The following RAB3IL1 variants were observed in gnomAD, a reference collection of about 807,000 sequenced individuals.
The protein encoded by RAB3IL1 is RAB3A interacting protein like 1.
RAB3IL1 carries 37 observed loss-of-function variants against 49.2 expected under a neutral mutation model. The ratio of observed to expected loss-of-function variants is 0.75; its 90% CI spans 0.58 to 0.99. The LOEUF (loss-of-function observed/expected upper bound fraction) is 0.99, where lower values mean the gene tolerates loss of function less well. RAB3IL1 is among the 50% of genes least tolerant of loss of function. The probability of loss-of-function intolerance (pLI) is 0.00; values close to 1 mark genes in which losing one functional copy is unlikely to be tolerated. For missense variants in RAB3IL1, 484 were observed against 513.0 expected, an observed-to-expected ratio of 0.94 and a Z score of 0.55; for synonymous variants, 193 against 213.9, an observed-to-expected ratio of 0.90 and a Z score of 0.85.
the RAB3IL1 span, among the ~76,000 whole-genome samples, chr11:61,932,261 A>G: frequency 1.3e-5 from 2 of 152,100 alleles, no homozygotes; most frequent in South Asian, 4.1e-4. Flanking sequence ...AAAAAAAAAA[A>G]GAAAAGAAAA....
intron 1 of RAB3IL1, among the ~76,000 whole-genome samples, chr11:61,912,797 G>T (rs1382026274): frequency 6.6e-6 from 1 of 152,050 alleles, no homozygotes; most frequent in Non-Finnish European, 1.5e-5. Context: ...AGTACTGGAG[G>T]TGCCACCCAA....
At chr11:61,899,514 T>A in intron 8 of RAB3IL1, 134 bp from the exon 9 acceptor site, 1 of 740,436 alleles carries the variant, frequency 1.4e-6, no homozygotes, top group Non-Finnish European at 2.2e-6. Flanking sequence ...CAGCTGGGAC[T>A]GGGCTTTCAA....
the RAB3IL1 span, among the ~76,000 whole-genome samples, chr11:61,940,866 G>A: frequency 1.3e-5 from 2 of 152,032 alleles, no homozygotes; most frequent in South Asian, 2.1e-4. Context: ...GTTGCAGTGA[G>A]CCGAGAATGC....
the RAB3IL1 span, among the ~76,000 whole-genome samples, chr11:61,927,978 A>G: frequency 6.6e-6 from 1 of 152,114 alleles, no homozygotes; most frequent in Non-Finnish European, 1.5e-5. Context: ...TATGCTAGGT[A>G]AGGAGTTCAA....
chr11:61,944,032 T>A, the RAB3IL1 span, among the ~76,000 whole-genome samples: 5 of 152,190 alleles, frequency 3.3e-5, no homozygotes, highest in African/African-American at 1.2e-4. Flanking sequence ...ATCTCTCTTA[T>A]AGTTGTATAA....
chr11:61,945,648 C>T, the RAB3IL1 span: 1 of 593,716 alleles, frequency 1.7e-6, no homozygotes, highest in Non-Finnish European at 2.1e-6. Context: ...GCATCCAGGC[C>T]CTGCACAGTT....
intron 2 of RAB3IL1, 45 bp downstream of exon 2, chr11:61,908,009 G>A (rs755730101): frequency 6.4e-7 from 1 of 1,565,696 alleles, no homozygotes; most frequent in Non-Finnish European, 8.7e-7. Flanking sequence ...CTCCCAACCT[G>A]ACTTCTCCCC....
At chr11:61,944,788 C>A in the RAB3IL1 span, among the ~76,000 whole-genome samples, 1 of 152,146 alleles carries the variant, frequency 6.6e-6, no homozygotes, top group African/African-American at 2.4e-5. Flanking sequence ...CCTCTGTCTC[C>A]CGGGTTCAAG....
At chr11:61,933,171 C>G in the RAB3IL1 span, among the ~76,000 whole-genome samples, 1 of 152,134 alleles carries the variant, frequency 6.6e-6, no homozygotes, top group African/African-American at 2.4e-5. Context: ...TCTTTGAAAA[C>G]TGTAAATGTT....
At chr11:61,904,111 C>G (rs1269965049) in intron 7 of RAB3IL1, among the ~76,000 whole-genome samples, 1 of 151,930 alleles carries the variant, frequency 6.6e-6, no homozygotes, top group Non-Finnish European at 1.5e-5. Flanking sequence ...ACCAGGGCAC[C>G]AGCCATCCCC....
intron 8 of RAB3IL1, among the ~76,000 whole-genome samples, chr11:61,901,214 C>T (rs1174947511): frequency 6.6e-6 from 1 of 152,200 alleles, no homozygotes; most frequent in Non-Finnish European, 1.5e-5. Context: ...CAAGCTGTGT[C>T]ACTGGAAACG....
chr11:61,946,023 G>C, the RAB3IL1 span, among the ~76,000 whole-genome samples: 7,020 of 152,260 alleles, frequency 0.046, 500 homozygotes, highest in South Asian at 0.36. Flanking sequence ...TCAGGGATCA[G>C]GGCTGCCTGA....
chr11:61,945,526 CA>C, the RAB3IL1 span, among the ~76,000 whole-genome samples: 1 of 152,174 alleles, frequency 6.6e-6, no homozygotes, highest in East Asian at 1.9e-4. Context: ...TCTTTGTCTG[CA>C]AAATGAGCAG....
chr11:61,929,018 A>G, the RAB3IL1 span, among the ~76,000 whole-genome samples: 9 of 152,322 alleles, frequency 5.9e-5, no homozygotes, highest in Admixed American at 1.3e-4. Flanking sequence ...AAAACAAAAA[A>G]AAATTATTTT....
the RAB3IL1 span, among the ~76,000 whole-genome samples, chr11:61,941,525 G>C: frequency 6.6e-6 from 1 of 152,216 alleles, no homozygotes; most frequent in South Asian, 2.1e-4. Context: ...GGCTGAGGCA[G>C]GTGTATCACG....
the RAB3IL1 span, among the ~76,000 whole-genome samples, chr11:61,938,721 T>C: frequency 6.6e-6 from 1 of 151,984 alleles, no homozygotes; most frequent in East Asian, 1.9e-4. Flanking sequence ...AGGTCAGGAA[T>C]TCAAAACCAG....
chr11:61,918,931 CTCTT>C (rs1440100234), upstream of RAB3IL1, among the ~76,000 whole-genome samples: 1 of 152,184 alleles, frequency 6.6e-6, no homozygotes, highest in African/African-American at 2.4e-5. Flanking sequence ...CAGGGATTCT[CTCTT>C]TCTTGGAGCT....
chr11:61,899,432 C>A, intron 8 of RAB3IL1, 52 bp from the exon 9 acceptor site: 1 of 1,554,370 alleles, frequency 6.4e-7, no homozygotes, highest in East Asian at 2.3e-5. Context: ...GCTGGGGGTC[C>A]CCTGACAGGC....
In RAB3IL1 at chr11:61,899,444, G is replaced by T. The variant is rs569122737; in HGVS notation, c.1000-64C>A. 9 of 1,515,334 alleles carry T rather than the reference G, an allele frequency of 5.9e-6. No individual in the cohort carries two copies. The South Asian group carries it at 6.9e-5, about 12-fold the overall frequency. The allele number at this position is 1,515,334 out of a possible 1,614,324, so 93.9% of individuals were successfully genotyped here. A position where few individuals can be genotyped will look rare whatever the true frequency, so the allele number is the denominator to read the frequency against. ...CACGCTGGGGGTCCCCTGACAGGCGGATCTGAGTCCAGAGCAGGAGGCCCC... is the reference window on the plus strand; with the variant it reads ...CACGCTGGGGGTCCCCTGACAGGCGTATCTGAGTCCAGAGCAGGAGGCCCC... On this transcript the variant is annotated intron_variant, in intron 8 of 9. Coordinates refer to ENST00000394836, the MANE Select transcript of RAB3IL1 (RefSeq NM_013401.4).
Sources: gnomAD v4.1 joint callset for allele counts (sites outside exome capture counted in the v4.1 genomes callset) on GRCh38, gnomAD v4.1.1 for gene constraint, MANE v1.5 for transcripts, NCBI Gene and HGNC (gene_info 2026-07-23, HGNC 2026-07-21) for gene names.